CARMIL1: variants seen among roughly 807,000 people sequenced by gnomAD.
The protein encoded by CARMIL1 is F-actin-uncapping protein LRRC16A.
A neutral mutation model predicts 177.1 loss-of-function variants in CARMIL1; 90 were observed. That is an observed-to-expected ratio of 0.51 (90% CI 0.43 to 0.61). The LOEUF (loss-of-function observed/expected upper bound fraction) is 0.61, where lower values mean the gene tolerates loss of function less well. Among genes scored for constraint, CARMIL1 ranks in the 20% least tolerant of loss-of-function variants. The pLI is 0.00. For synonymous variants in CARMIL1, 577 were observed against 606.2 expected (o/e 0.95, Z 0.71); for missense variants, 1,380 against 1,667.0 (o/e 0.83, Z 3.00).
intron 26 of CARMIL1, among the ~76,000 whole-genome samples, chr6:25,540,899 G>T (rs1433048995): frequency 2.0e-5 from 3 of 152,096 alleles, no homozygotes; most frequent in Non-Finnish European, 4.4e-5. Flanking sequence ...GAAAATGTGG[G>T]GTTTTCTTTT....
chr6:25,456,484 A>T (rs1181366926), intron 8 of CARMIL1, among the ~76,000 whole-genome samples: 1 of 152,188 alleles, frequency 6.6e-6, no homozygotes, highest in African/African-American at 2.4e-5. Context: ...TAAAATGTCC[A>T]GTTGGCATTT....
At chr6:25,285,838 C>T (rs2690046) in intron 2 of CARMIL1, among the ~76,000 whole-genome samples, 7,497 of 151,464 alleles carry the variant, frequency 0.049, 582 homozygotes, top group African/African-American at 0.16. Context: ...TAAAACAAAT[C>T]CCAGGTATGT....
intron 20 of CARMIL1, among the ~76,000 whole-genome samples, chr6:25,514,550 C>CAGAA: frequency 1.2e-5 from 1 of 84,204 alleles, no homozygotes; most frequent in Non-Finnish European, 2.3e-5. Flanking sequence ...GACCTTGTCT[C>CAGAA]AAAAAAAAAA....
At chr6:25,606,372 C>T (rs919280570) in intron 35 of CARMIL1, 99 bp downstream of exon 35, 71 of 1,055,038 alleles carry the variant, frequency 6.7e-5, no homozygotes, top group Non-Finnish European at 9.1e-5. Context: ...AGCTGGTGAG[C>T]GAGGTACAGC....
At chr6:25,441,448 A>G (rs1360337695) in intron 5 of CARMIL1, among the ~76,000 whole-genome samples, 2 of 151,050 alleles carry the variant, frequency 1.3e-5, no homozygotes, top group Non-Finnish European at 2.9e-5. Flanking sequence ...AAGGATTTAA[A>G]TTAAAATTTG....
At chr6:25,534,782 G>A (rs900517329) in intron 24 of CARMIL1, among the ~76,000 whole-genome samples, 4 of 152,164 alleles carry the variant, frequency 2.6e-5, no homozygotes, top group African/African-American at 9.7e-5. Context: ...AGGTTTTTAA[G>A]TTGCTGGTGG....
At chr6:25,612,920 C>T (rs892593446) in intron 36 of CARMIL1, 25 of 984,660 alleles carry the variant, frequency 2.5e-5, no homozygotes, top group Admixed American at 6.2e-5. Flanking sequence ...CTCACTGACC[C>T]GAAGCTTATG....
chr6:25,495,327 G>A (rs2151006940), intron 16 of CARMIL1, 112 bp downstream of exon 16: 1 of 635,886 alleles, frequency 1.6e-6, no homozygotes, highest in East Asian at 3.1e-5. Flanking sequence ...CCACAGATGA[G>A]AATGCCTTTT....
chr6:25,498,284 C>T (rs1803941498), intron 16 of CARMIL1, among the ~76,000 whole-genome samples: 3 of 152,148 alleles, frequency 2.0e-5, no homozygotes, highest in Admixed American at 2.0e-4. Flanking sequence ...AGCAATTTTG[C>T]AATAGTGATT....
chr6:25,397,703 T>C (rs1195622758), intron 2 of CARMIL1, among the ~76,000 whole-genome samples: 1 of 152,150 alleles, frequency 6.6e-6, no homozygotes, highest in Non-Finnish European at 1.5e-5. Flanking sequence ...GGATAAAGGA[T>C]GGTGGTGTCT....
chr6:25,314,334 G>A (rs1388080760), intron 2 of CARMIL1, among the ~76,000 whole-genome samples: 1 of 146,784 alleles, frequency 6.8e-6, no homozygotes, highest in African/African-American at 2.5e-5. Flanking sequence ...TTAGCTGGGT[G>A]TGGTGGCACG....
Position 25,559,414 on chromosome 6 carries a change from G to T in CARMIL1, c.2742+2564G>T, listed in dbSNP as rs9348684. Among the ~76,000 whole-genome samples the T allele has an allele frequency of 7.2e-4, 109 of 152,256 alleles. 2 individuals are homozygous for T. In the East Asian group the frequency reaches 0.02, roughly 27 times the overall value. ...TAAATGAGTGTATGCATTTTCCTTG[G>T]CAGCATTTCTATCTTAAGTGATCCG... On this transcript the variant is annotated intron_variant, in intron 29 of 36. Coordinates refer to ENST00000329474, the MANE Select transcript of CARMIL1 (RefSeq NM_017640.6).
intron 2 of CARMIL1, among the ~76,000 whole-genome samples, chr6:25,294,949 C>G (rs1365243422): frequency 6.6e-6 from 1 of 152,194 alleles, no homozygotes; most frequent in Non-Finnish European, 1.5e-5. Context: ...CCTGTGGCAT[C>G]ACAGCATCTG....
chr6:25,546,833 T>C (rs917044109), intron 26 of CARMIL1, among the ~76,000 whole-genome samples: 1 of 152,030 alleles, frequency 6.6e-6, no homozygotes, highest in African/African-American at 2.4e-5. Context: ...GTGGATCACC[T>C]GAGGTCAGGA....
chr6:25,609,777 A>G (rs1337270179), intron 35 of CARMIL1, among the ~76,000 whole-genome samples: 2 of 152,176 alleles, frequency 1.3e-5, no homozygotes, highest in East Asian at 3.8e-4. Context: ...CATACAGTCT[A>G]ATTTTCAAAT....
At chr6:25,536,668 G>A (rs979333603) in intron 24 of CARMIL1, among the ~76,000 whole-genome samples, 3 of 152,112 alleles carry the variant, frequency 2.0e-5, no homozygotes, top group African/African-American at 7.2e-5. Context: ...CAAGAGAGAT[G>A]GCAGTGCTAC....
chr6:25,480,457 C>A (rs1801979223), intron 11 of CARMIL1, among the ~76,000 whole-genome samples: 1 of 151,598 alleles, frequency 6.6e-6, no homozygotes, highest in Non-Finnish European at 1.5e-5. Context: ...TGTCTTATTG[C>A]AGCTACATCA....
At chr6:25,346,437 A>G (rs773612086) in intron 2 of CARMIL1, among the ~76,000 whole-genome samples, 1 of 152,094 alleles carries the variant, frequency 6.6e-6, no homozygotes, top group Non-Finnish European at 1.5e-5. Flanking sequence ...TCTTTCTTCA[A>G]ATGTCACTTT....
At chr6:25,293,660 C>T (rs376247396) in intron 2 of CARMIL1, among the ~76,000 whole-genome samples, 16 of 151,946 alleles carry the variant, frequency 1.1e-4, no homozygotes, top group African/African-American at 3.4e-4. Context: ...GTTACATATG[C>T]GAGCTGGTCT....
Sources: gnomAD v4.1 joint callset for allele counts (sites outside exome capture counted in the v4.1 genomes callset) on GRCh38, gnomAD v4.1.1 for gene constraint, MANE v1.5 for transcripts, NCBI Gene and HGNC (gene_info 2026-07-23, HGNC 2026-07-21) for gene names.